Variants in SORCS2 observed in about 807,000 individuals in gnomAD.
SORCS2 encodes the protein VPS10 domain-containing receptor SorCS2.
Under a neutral mutation model 141.6 loss-of-function variants are expected in SORCS2, and 100 were observed. The observed-to-expected ratio is 0.71, with a 90% CI of 0.60 to 0.83. The LOEUF (loss-of-function observed/expected upper bound fraction) is 0.83. SORCS2 is among the 40% of genes least tolerant of loss of function. The pLI, the probability that SORCS2 is intolerant of heterozygous loss-of-function variation, is 0.00. For synonymous variants in SORCS2, 789 were observed against 676.9 expected (o/e 1.17, Z -2.57); for missense variants, 1,646 against 1,560.2 (o/e 1.05, Z -0.93).
intron 4 of SORCS2, among the ~76,000 whole-genome samples, chr4:7,640,230 G>GTC (rs1720612145): frequency 1.3e-5 from 2 of 149,884 alleles, no homozygotes; most frequent in African/African-American, 2.5e-5. Context: ...GTATGAGCGT[G>GTC]TGTGTGTGAG....
At chr4:7,426,812 G>A (rs1045374517) in intron 2 of SORCS2, among the ~76,000 whole-genome samples, 17 of 152,166 alleles carry the variant, frequency 1.1e-4, no homozygotes, top group African/African-American at 3.4e-4. Flanking sequence ...AGGCCCTCCC[G>A]CACCGGCAGT....
intron 3 of SORCS2, among the ~76,000 whole-genome samples, chr4:7,621,563 CTG>C (rs900208137): frequency 8.8e-5 from 13 of 148,290 alleles, no homozygotes; most frequent in African/African-American, 2.2e-4. Flanking sequence ...GTTTGTGTGT[CTG>C]TGTGTGTATA....
chr4:7,654,711 C>G (rs1177934715), intron 5 of SORCS2, among the ~76,000 whole-genome samples: 1 of 152,206 alleles, frequency 6.6e-6, no homozygotes, highest in Non-Finnish European at 1.5e-5. Context: ...CCTGGGCCCC[C>G]CTTCCACTGC....
At chr4:7,637,841 C>G (rs1314975928) in intron 3 of SORCS2, among the ~76,000 whole-genome samples, 1 of 151,762 alleles carries the variant, frequency 6.6e-6, no homozygotes, top group African/African-American at 2.4e-5. Context: ...CCAGGCACTC[C>G]ATGAATGAAT....
At chr4:7,644,219 C>T (rs1459066637) in intron 4 of SORCS2, among the ~76,000 whole-genome samples, 1 of 152,202 alleles carries the variant, frequency 6.6e-6, no homozygotes, top group African/African-American at 2.4e-5. Context: ...GGGACCAGAA[C>T]CTCCCAGACT....
intron 1 of SORCS2, among the ~76,000 whole-genome samples, chr4:7,264,688 G>A (rs1714597937): frequency 6.6e-6 from 1 of 152,208 alleles, no homozygotes; most frequent in African/African-American, 2.4e-5. Flanking sequence ...GGCATTGGGT[G>A]CTGGGAGCAG....
chr4:7,656,823 C>T (rs1296847340), intron 5 of SORCS2, among the ~76,000 whole-genome samples: 4 of 152,226 alleles, frequency 2.6e-5, no homozygotes, highest in Non-Finnish European at 5.9e-5. Flanking sequence ...CCACTACAGC[C>T]TTGATGATCA....
chr4:7,500,844 C>T (rs1731924859), intron 2 of SORCS2, among the ~76,000 whole-genome samples: 1 of 152,214 alleles, frequency 6.6e-6, no homozygotes, highest in Non-Finnish European at 1.5e-5. Context: ...TTGCCTCTCA[C>T]CTCGATGCTG....
intron 2 of SORCS2, among the ~76,000 whole-genome samples, chr4:7,417,298 G>T (rs1725763655): frequency 6.6e-6 from 1 of 152,168 alleles, no homozygotes; most frequent in African/African-American, 2.4e-5. Flanking sequence ...GGCAGCGCCA[G>T]GAAGCCCAAG....
At chr4:7,640,581 G>A (rs1720668714) in intron 4 of SORCS2, among the ~76,000 whole-genome samples, 1 of 151,582 alleles carries the variant, frequency 6.6e-6, no homozygotes, top group Admixed American at 6.6e-5. Flanking sequence ...AAGGACTCGG[G>A]CCTTCGTTTA....
chr4:7,448,603 TC>T (rs1728165079), intron 2 of SORCS2, among the ~76,000 whole-genome samples: 1 of 11,446 alleles, frequency 8.7e-5, no homozygotes, highest in Non-Finnish European at 3.8e-4. Context: ...TCTTCCTCTA[TC>T]CCTTCCTTCC....
chr4:7,571,003 G>C (rs1270672409), intron 3 of SORCS2, among the ~76,000 whole-genome samples: 2 of 152,150 alleles, frequency 1.3e-5, no homozygotes, highest in African/African-American at 4.8e-5. Flanking sequence ...ACTCTCCAAG[G>C]AAATCCCTGC....
At chr4:7,208,664 T>C (rs1227749285) in intron 1 of SORCS2, among the ~76,000 whole-genome samples, 1 of 152,162 alleles carries the variant, frequency 6.6e-6, no homozygotes, top group African/African-American at 2.4e-5. Context: ...TTGGCTCTGG[T>C]TGTGTCTCCC....
chr4:7,528,811 T>C (rs1450377336), intron 2 of SORCS2, among the ~76,000 whole-genome samples: 1 of 152,076 alleles, frequency 6.6e-6, no homozygotes, highest in Non-Finnish European at 1.5e-5. Context: ...GCGAACTCTC[T>C]CTCGGGGTCC....
At chr4:7,306,248 G>A (rs1407745676) in intron 1 of SORCS2, among the ~76,000 whole-genome samples, 1 of 152,188 alleles carries the variant, frequency 6.6e-6, no homozygotes, top group South Asian at 2.1e-4. Flanking sequence ...CAGTCGGCTG[G>A]CTGGCTCAGG....
At chr4:7,651,970 G>A (rs754950727) in intron 4 of SORCS2, among the ~76,000 whole-genome samples, 4 of 152,206 alleles carry the variant, frequency 2.6e-5, no homozygotes, top group Middle Eastern at 3.2e-3. Context: ...GGAAGGGAGC[G>A]GAGAATAGGC....
At chr4:7,594,744 C>A (rs1717144757) in intron 3 of SORCS2, among the ~76,000 whole-genome samples, 2 of 152,144 alleles carry the variant, frequency 1.3e-5, no homozygotes, top group Non-Finnish European at 2.9e-5. Flanking sequence ...TGGAGTTCAA[C>A]ATCTGGGTCT....
chr4:7,313,358 C>T (rs897697703), intron 1 of SORCS2, among the ~76,000 whole-genome samples: 2 of 152,196 alleles, frequency 1.3e-5, no homozygotes, highest in African/African-American at 4.8e-5. Context: ...AGGCGCAGTC[C>T]TCCTCCTAAA....
intron 8 of SORCS2, among the ~76,000 whole-genome samples, chr4:7,670,108 G>C (rs141563350): frequency 1.3e-4 from 20 of 152,258 alleles, no homozygotes; most frequent in African/African-American, 4.6e-4. Context: ...GTGTAGCTTA[G>C]TTGCTTGGGC....
Sources: gnomAD v4.1 joint callset for allele counts (sites outside exome capture counted in the v4.1 genomes callset) on GRCh38, gnomAD v4.1.1 for gene constraint, MANE v1.5 for transcripts, NCBI Gene and HGNC (gene_info 2026-07-23, HGNC 2026-07-21) for gene names.